CCDC18: variants seen among roughly 807,000 people sequenced by gnomAD.
CCDC18 encodes the protein coiled-coil domain-containing protein 18.
CCDC18 carries 157 observed loss-of-function variants against 196.0 expected under a neutral mutation model. That is an observed-to-expected ratio of 0.80 (90% CI 0.70 to 0.91). The LOEUF (loss-of-function observed/expected upper bound fraction) is 0.91. CCDC18 is among the 40% of genes least tolerant of loss of function. The pLI is 0.00. For missense variants in CCDC18, 1,465 were observed against 1,611.6 expected, an observed-to-expected ratio of 0.91 and a Z score of 1.56; for synonymous variants, 482 against 529.2, an observed-to-expected ratio of 0.91 and a Z score of 1.22.
intron 17 of CCDC18, among the ~76,000 whole-genome samples, chr1:93,230,167 A>T (rs1017414875): frequency 6.6e-6 from 1 of 152,044 alleles, no homozygotes; most frequent in Admixed American, 6.6e-5. Context: ...ATTAGTAGAA[A>T]ATATGATGTA....
rs760367052 is a variant in CCDC18, at chr1:93,207,297, C to T, written c.1108C>T (p.Arg370Cys). ...LMNENRELKV[R>C]VAAQNERLDL... ...GAATGAAAACCGAGAATTAAAGGTC[C>T]GTGTTGCAGCACAGAATGAGCGACT... Residue 370 changes from arginine to cysteine, a missense_variant, in exon 9 of 29, where the codon CGT (arginine) becomes TGT (cysteine). By Grantham distance (180) the Arg-to-Cys change is radical. Coordinates refer to ENST00000690025, the MANE Select transcript of CCDC18 (RefSeq NM_001378204.1). The T allele has an allele frequency of 1.3e-5, 21 of 1,613,010 alleles. No homozygotes were observed. In the East Asian group the frequency reaches 1.8e-4, roughly 14 times the overall value.
chr1:93,249,114 G>A (rs965426618), intron 23 of CCDC18, among the ~76,000 whole-genome samples: 3 of 151,990 alleles, frequency 2.0e-5, no homozygotes, highest in African/African-American at 7.3e-5. Flanking sequence ...TTTGATGGGC[G>A]ACTTTTTATT....
At chr1:93,213,889 AT>A (rs1656073244) in intron 11 of CCDC18, among the ~76,000 whole-genome samples, 1 of 152,234 alleles carries the variant, frequency 6.6e-6, no homozygotes, top group African/African-American at 2.4e-5. Context: ...AAAGTGAAAT[AT>A]TATAGATGTA....
intron 22 of CCDC18, 106 bp downstream of exon 22, chr1:93,246,310 A>G (rs1330446661): frequency 1.6e-6 from 1 of 638,954 alleles, no homozygotes; most frequent in East Asian, 2.8e-5. Context: ...TTTATAGCAT[A>G]TCTTTTCTCT....
At chr1:93,183,111 G>C (rs1650009938) in intron 1 of CCDC18, among the ~76,000 whole-genome samples, 1 of 152,044 alleles carries the variant, frequency 6.6e-6, no homozygotes, top group African/African-American at 2.4e-5. Context: ...TTACAAAAGA[G>C]AACTATAATA....
intron 17 of CCDC18, 75 bp downstream of exon 17, chr1:93,226,524 AAT>A (rs35929850): frequency 0.38 from 141,381 of 374,244 alleles, 25,673 homozygotes; most frequent in African/African-American, 0.81. Context: ...TGTAGGACAA[AAT>A]ATATATATAT....
intron 18 of CCDC18, among the ~76,000 whole-genome samples, chr1:93,234,122 T>C (rs1318847758): frequency 6.6e-6 from 1 of 151,658 alleles, no homozygotes; most frequent in South Asian, 2.1e-4. Flanking sequence ...TATGGTTTTT[T>C]CTGTTTTGTT....
intron 28 of CCDC18, 128 bp from the exon 29 acceptor site, chr1:93,278,335 A>C: frequency 2.7e-6 from 1 of 375,376 alleles, no homozygotes. Context: ...TATGATTCAT[A>C]TTTTTCAGTA....
In CCDC18 at chr1:93,236,304, G is replaced by C. The variant is rs1350055556; in HGVS notation, c.2517G>C (p.Leu839Phe). ...AAAGGGAAAGTTCAGCTGAAAAGTT[G>C]AGAAAAATGGAGGAGAAATGTGAAT... ...QKQRESSAEK[L>F]RKMEEKCESA... Residue 839 changes from leucine to phenylalanine, a missense_variant, in exon 19 of 29, where the codon TTG (leucine) becomes TTC (phenylalanine). Physicochemically the swap from Leu to Phe is conservative, Grantham distance 22 (BLOSUM62 0). Transcript: ENST00000690025. 1 of 1,575,982 alleles carries C rather than the reference G, an allele frequency of 6.3e-7. No individual in the cohort carries two copies. Among genetic ancestry groups the C allele is most frequent in the Admixed American group, 2.0e-5 (1 of 48,906 alleles).
At chr1:93,196,417 C>CAAG (rs1652742914) in intron 6 of CCDC18, among the ~76,000 whole-genome samples, 1 of 152,158 alleles carries the variant, frequency 6.6e-6, no homozygotes, top group Non-Finnish European at 1.5e-5. Flanking sequence ...ACAGAATAGA[C>CAAG]TTCAGTGCAA....
intron 26 of CCDC18, among the ~76,000 whole-genome samples, chr1:93,262,582 G>T (rs187523706): frequency 1.3e-5 from 2 of 152,312 alleles, no homozygotes; most frequent in African/African-American, 4.8e-5. Context: ...GCAAGGGGTG[G>T]ACTCCCAAAG....
intron 17 of CCDC18, among the ~76,000 whole-genome samples, chr1:93,229,720 T>C (rs1410154508): frequency 6.6e-6 from 1 of 152,214 alleles, no homozygotes; most frequent in African/African-American, 2.4e-5. Flanking sequence ...ATAAATATAT[T>C]TATGATGAAA....
At chr1:93,222,631 C>T (rs964550334) in intron 16 of CCDC18, among the ~76,000 whole-genome samples, 1 of 152,118 alleles carries the variant, frequency 6.6e-6, no homozygotes, top group Non-Finnish European at 1.5e-5. Flanking sequence ...CTTACCCACT[C>T]ACTGTAACCT....
Position 93,254,472 on chromosome 1 carries a change from T to C in CCDC18, c.3200T>C (p.Ile1067Thr). ...ELELKECNKQ[I>T]ESLNDKLQNA... is the part of the protein sequence containing the mutation. ...ACTGCTTATCTGTTTAAAATTCAGA[T>C]AGAAAGTCTGAATGACAAATTACAA... is the stretch of plus-strand genomic sequence containing the variant. Residue 1067 changes from isoleucine to threonine, a missense_variant and splice_region_variant, in exon 24 of 29, where the codon ATA (isoleucine) becomes ACA (threonine). Transcript: ENST00000690025. 1.3e-6 allele frequency: 2 copies of C among 1,567,152 alleles called. No individual in the cohort carries two copies. The highest frequency in any genetic ancestry group is 1.9e-5 in the Admixed American group (1 of 53,394).
chr1:93,278,540 AT>A lies in CCDC18; in HGVS notation c.*64del. 4.7e-6 allele frequency: 4 copies of A among 850,562 alleles called. No individual in the cohort carries two copies. The highest frequency in any genetic ancestry group is 6.8e-6 in the Non-Finnish European group (4 of 586,962). 52.7% of individuals were successfully genotyped at this position (850,562 alleles called of 1,614,324 possible). ...TTTGGTACTGTGCTGTTTACTTATTATATGTAGCTCATACTTCATAGAAGCT... is the reference window on the plus strand; with the variant it reads ...TTTGGTACTGTGCTGTTTACTTATTAATGTAGCTCATACTTCATAGAAGCT... On this transcript the variant is annotated 3_prime_UTR_variant, in exon 29 of 29. Coordinates refer to ENST00000690025, the MANE Select transcript of CCDC18 (RefSeq NM_001378204.1).
At chr1:93,253,422 G>C (rs1662525676) in intron 23 of CCDC18, among the ~76,000 whole-genome samples, 1 of 152,144 alleles carries the variant, frequency 6.6e-6, no homozygotes, top group African/African-American at 2.4e-5. Flanking sequence ...CTCCCAGCAA[G>C]TCCCTGCACA....
intron 17 of CCDC18, among the ~76,000 whole-genome samples, 196 bp downstream of exon 17, chr1:93,226,645 T>G (rs1658382175): frequency 6.6e-6 from 1 of 151,936 alleles, no homozygotes; most frequent in Non-Finnish European, 1.5e-5. Flanking sequence ...GCAATTCTTG[T>G]GCCTCAGCCT....
rs879349156 is a variant in CCDC18 at position 93,233,605 on chromosome 1, A to AT, written c.2460+1022dup. On this transcript the variant is annotated intron_variant, in intron 18 of 28. Transcript: ENST00000690025. Reference sequence around the variant, plus strand: ...TAAACACATCAGGCAGGTATTCTGTATTTTTTTTTTGAGACGGAGTTTCAC... The same window carrying AT: ...TAAACACATCAGGCAGGTATTCTGTATTTTTTTTTTTGAGACGGAGTTTCAC... Among the ~76,000 whole-genome samples, 717 of 144,156 alleles carry AT rather than the reference A, an allele frequency of 5.0e-3. 2 individuals are homozygous for AT. The highest frequency in any genetic ancestry group is 0.022 in the Middle Eastern group (6 of 278). 94.6% of individuals were successfully genotyped at this position (144,156 alleles called of 152,430 possible).
chr1:93,222,064 A>G, intron 16 of CCDC18, 128 bp downstream of exon 16: 1 of 592,164 alleles, frequency 1.7e-6, no homozygotes. Context: ...TGAACTCCTG[A>G]GCTCAAGTAA....
Sources: gnomAD v4.1 joint callset for allele counts (sites outside exome capture counted in the v4.1 genomes callset) on GRCh38, gnomAD v4.1.1 for gene constraint, MANE v1.5 for transcripts, NCBI Gene and HGNC (gene_info 2026-07-23, HGNC 2026-07-21) for gene names.